DHRSX: variants seen among roughly 807,000 people sequenced by gnomAD.
The protein encoded by DHRSX is polyprenol dehydrogenase.
Under a neutral mutation model 34.0 loss-of-function variants are expected in DHRSX, and 31 were observed. The observed-to-expected ratio is 0.91, with a 90% CI of 0.69 to 1.23. The LOEUF is 1.23. Among genes scored for constraint, DHRSX ranks in the 50% most tolerant of loss-of-function variants. DHRSX has a pLI of 0.00. For synonymous variants in DHRSX, 201 were observed against 183.8 expected, an observed-to-expected ratio of 1.09 and a Z score of -0.76; for missense variants, 414 against 428.1, an observed-to-expected ratio of 0.97 and a Z score of 0.29.
At chrX:2,248,885 A>G (rs1487525301) in intron 5 of DHRSX, among the ~76,000 whole-genome samples, 2 of 152,176 alleles carry the variant, frequency 1.3e-5, no homozygotes, top group Non-Finnish European at 2.9e-5. Flanking sequence ...GTTGAACCTA[A>G]GCATAAAAAT....
At chrX:2,376,512 C>T (rs1282667582) in intron 3 of DHRSX, among the ~76,000 whole-genome samples, 3 of 137,504 alleles carry the variant, frequency 2.2e-5, no homozygotes, top group South Asian at 2.3e-4. Flanking sequence ...GTGGGTTTAA[C>T]TGTGACCTCA....
At chrX:2,303,723 G>A (rs1247788002) in intron 3 of DHRSX, among the ~76,000 whole-genome samples, 1 of 151,400 alleles carries the variant, frequency 6.6e-6, no homozygotes, top group Non-Finnish European at 1.5e-5. Flanking sequence ...AGGATGGGTA[G>A]ATGGATGGAT....
chrX:2,372,608 CTT>C (rs1271635867), intron 3 of DHRSX, among the ~76,000 whole-genome samples: 2 of 96,898 alleles, frequency 2.1e-5, no homozygotes, highest in Admixed American at 9.6e-5. Context: ...TCTTTTCCTT[CTT>C]TGTTTTTTTT....
intron 6 of DHRSX, among the ~76,000 whole-genome samples, chrX:2,228,814 A>C (rs939275691): frequency 2.0e-5 from 3 of 152,138 alleles, no homozygotes; most frequent in African/African-American, 7.2e-5. Context: ...AGAGCTTCAG[A>C]AAGCTGTTCC....
chrX:2,310,561 TGAGAGAGAGA>T (rs780086507), intron 3 of DHRSX, among the ~76,000 whole-genome samples: 5 of 144,418 alleles, frequency 3.5e-5, no homozygotes, highest in African/African-American at 1.3e-4. Flanking sequence ...TGTGTGTGTG[TGAGAGAGAGA>T]GAGAGAGGGA....
chrX:2,250,605 G>A (rs1190827712), intron 5 of DHRSX, among the ~76,000 whole-genome samples: 1 of 152,026 alleles, frequency 6.6e-6, no homozygotes, highest in Non-Finnish European at 1.5e-5. Context: ...AGCGTATCAT[G>A]ACCAGAGAGG....
rs761527029 is a variant in DHRSX at position 2,221,026 on chromosome X, TC to T, written c.*14del. 6.2e-6 allele frequency: 10 copies of T among 1,612,304 alleles called. No homozygotes were observed. In the African/African-American group the frequency reaches 1.3e-4, roughly 22 times the overall value. ...AATGTGTTTCTTGGGGCAGCAGCTA[TC>T]CTGAGACAGGATATCACAGGGTCAC... is the stretch of plus-strand genomic sequence containing the variant. On this transcript the variant is annotated 3_prime_UTR_variant, in exon 7 of 7. Coordinates refer to ENST00000334651, the MANE Select transcript of DHRSX (RefSeq NM_145177.3).
chrX:2,382,978 C>CACCAT (rs1569495786), intron 3 of DHRSX, among the ~76,000 whole-genome samples: 2 of 134,964 alleles, frequency 1.5e-5, no homozygotes, highest in Non-Finnish European at 3.4e-5. Context: ...ACCATCATCA[C>CACCAT]CATCATCAGC....
chrX:2,423,423 T>TAATA (rs2043805881), intron 2 of DHRSX, among the ~76,000 whole-genome samples: 1 of 150,490 alleles, frequency 6.6e-6, no homozygotes, highest in African/African-American at 2.4e-5. Context: ...AAAAAAACAA[T>TAATA]AATAAATAAA....
At chrX:2,232,040 T>TAC (rs1319347728) in intron 6 of DHRSX, among the ~76,000 whole-genome samples, 2 of 38,336 alleles carry the variant, frequency 5.2e-5, no homozygotes, top group African/African-American at 1.9e-4. Context: ...TCTCCTCCTT[T>TAC]TTCTCTTTCT....
At chrX:2,240,306 A>C (rs2016111925) in intron 6 of DHRSX, among the ~76,000 whole-genome samples, 2 of 151,898 alleles carry the variant, frequency 1.3e-5, no homozygotes, top group South Asian at 4.1e-4. Flanking sequence ...AAAAAAAGAA[A>C]AAGAAAAAGA....
At chrX:2,435,392 G>C (rs1380026601) in intron 1 of DHRSX, among the ~76,000 whole-genome samples, 1 of 151,476 alleles carries the variant, frequency 6.6e-6, no homozygotes, top group African/African-American at 2.4e-5. Context: ...GTAGACACAA[G>C]ATTCTTTCCT....
chrX:2,282,472 G>C (rs926194173), intron 4 of DHRSX, among the ~76,000 whole-genome samples: 1 of 149,476 alleles, frequency 6.7e-6, no homozygotes, highest in African/African-American at 2.5e-5. Flanking sequence ...GAAAGAGAGA[G>C]AAGTGGGACA....
At chrX:2,389,873 G>C (rs762820955) in intron 3 of DHRSX, among the ~76,000 whole-genome samples, 1 of 152,016 alleles carries the variant, frequency 6.6e-6, no homozygotes. Context: ...CTCCGCCTCC[G>C]GGGATCAAGT....
chrX:2,491,798 G>C (rs1158921355), intron 1 of DHRSX, among the ~76,000 whole-genome samples: 1 of 152,180 alleles, frequency 6.6e-6, no homozygotes, highest in African/African-American at 2.4e-5. Context: ...GGCCCAACTG[G>C]GCAAATATCA....
chrX:2,398,019 C>G (rs1351892149), intron 3 of DHRSX, among the ~76,000 whole-genome samples: 2 of 143,534 alleles, frequency 1.4e-5, no homozygotes, highest in African/African-American at 2.9e-5. Flanking sequence ...GCTGATCTCA[C>G]ACACATAGAT....
chrX:2,449,297 C>T (rs1271313336), intron 1 of DHRSX, among the ~76,000 whole-genome samples: 4 of 152,172 alleles, frequency 2.6e-5, no homozygotes, highest in South Asian at 2.1e-4. Flanking sequence ...AGTTATTACT[C>T]GGAGGGCCGG....
chrX:2,311,903 A>G (rs62593066), intron 3 of DHRSX, among the ~76,000 whole-genome samples: 109,442 of 151,862 alleles, frequency 0.72, 40,475 homozygotes, highest in African/African-American at 0.81. Flanking sequence ...TCTGCTGTTT[A>G]GATACACTGG....
chrX:2,491,056 A>C (rs1338404281), intron 1 of DHRSX, among the ~76,000 whole-genome samples: 1 of 143,204 alleles, frequency 7.0e-6, no homozygotes, highest in Admixed American at 7.4e-5. Flanking sequence ...GTACCTGACA[A>C]GTGCCTTTAG....
Sources: gnomAD v4.1 joint callset for allele counts (sites outside exome capture counted in the v4.1 genomes callset) on GRCh38, gnomAD v4.1.1 for gene constraint, MANE v1.5 for transcripts, NCBI Gene and HGNC (gene_info 2026-07-23, HGNC 2026-07-21) for gene names.